PPP6R2: variants seen among roughly 807,000 people sequenced by gnomAD.
PPP6R2 encodes the protein serine/threonine-protein phosphatase 6 regulatory subunit 2.
Under a neutral mutation model 100.2 loss-of-function variants are expected in PPP6R2, and 62 were observed. The ratio of observed to expected loss-of-function variants is 0.62; its 90% CI spans 0.50 to 0.76. The LOEUF is 0.76. PPP6R2 is among the 30% of genes least tolerant of loss of function. The pLI is 0.00. For missense variants in PPP6R2, 1,142 were observed against 1,276.3 expected (o/e 0.89, Z 1.60); for synonymous variants, 525 against 514.7 (o/e 1.02, Z -0.27).
upstream of PPP6R2, among the ~76,000 whole-genome samples, chr22:50,340,326 T>A (rs2042358299): frequency 7.7e-6 from 1 of 130,608 alleles, no homozygotes; most frequent in African/African-American, 2.9e-5. Context: ...GTGTGTGGTG[T>A]GTGTAGGGTG....
intron 8 of PPP6R2, among the ~76,000 whole-genome samples, chr22:50,421,994 T>G (rs2061400863): frequency 1.3e-5 from 2 of 152,024 alleles, no homozygotes; most frequent in South Asian, 2.1e-4. Context: ...CAGTGAGTCC[T>G]GTGTTGTGTC....
intron 10 of PPP6R2, among the ~76,000 whole-genome samples, chr22:50,429,495 T>C (rs1052993927): frequency 2.6e-5 from 4 of 152,244 alleles, no homozygotes; most frequent in Non-Finnish European, 5.9e-5. Context: ...TCTTTTGATA[T>C]GATGCTAAGT....
intron 2 of PPP6R2, among the ~76,000 whole-genome samples, chr22:50,372,715 G>A (rs1306948784): frequency 6.6e-6 from 1 of 151,346 alleles, no homozygotes; most frequent in African/African-American, 2.4e-5. Flanking sequence ...TTGAGACGGA[G>A]TCTTGCTCTG....
chr22:50,363,699 C>T (rs1433604476), intron 1 of PPP6R2, among the ~76,000 whole-genome samples: 1 of 152,190 alleles, frequency 6.6e-6, no homozygotes, highest in Non-Finnish European at 1.5e-5. Flanking sequence ...ACCTGGAGTC[C>T]TACTAGAGCT....
At chr22:50,358,106 C>T (rs986870937) in intron 1 of PPP6R2, among the ~76,000 whole-genome samples, 1 of 151,400 alleles carries the variant, frequency 6.6e-6, no homozygotes, top group Non-Finnish European at 1.5e-5. Context: ...GCCACCACAC[C>T]TGGATAATTT....
At chr22:50,338,992 G>A (rs1019310610), upstream of PPP6R2, among the ~76,000 whole-genome samples, 6 of 132,528 alleles carry the variant, frequency 4.5e-5, no homozygotes, top group Non-Finnish European at 8.0e-5. Flanking sequence ...GTGGTATGTA[G>A]TATGTGTGGT....
chr22:50,406,688 G>C lies in PPP6R2; in HGVS notation c.228-1G>C. The stretch of plus-strand genomic sequence containing the variant: ...CCAGTGCTTGGACTGTGCCCTTTTA[G>C]ATATCCAAACACAGCCTGTGAGCTT... On this transcript the variant is annotated splice_acceptor_variant, in intron 3 of 23. Transcript: ENST00000612753. LOFTEE classifies it high-confidence loss of function. The C allele has an allele frequency of 6.2e-7, 1 of 1,612,498 alleles. No homozygotes were observed. The highest frequency in any genetic ancestry group is 8.5e-7 in the Non-Finnish European group (1 of 1,179,660).
intron 2 of PPP6R2, among the ~76,000 whole-genome samples, chr22:50,381,831 C>G (rs2053113248): frequency 6.6e-6 from 1 of 151,746 alleles, no homozygotes. Context: ...TGGCGTGAAC[C>G]CGGGAGGCGG....
chr22:50,365,067 T>TA (rs2048467727), intron 1 of PPP6R2, among the ~76,000 whole-genome samples: 2 of 146,796 alleles, frequency 1.4e-5, no homozygotes, highest in Admixed American at 7.0e-5. Flanking sequence ...ACATATGAGA[T>TA]ACTTTTTTTT....
At chr22:50,375,805 A>C (rs1381180689) in intron 2 of PPP6R2, among the ~76,000 whole-genome samples, 1 of 145,824 alleles carries the variant, frequency 6.9e-6, no homozygotes, top group Non-Finnish European at 1.5e-5. Context: ...AGTTACCTTC[A>C]TCCTAAGATA....
intron 1 of PPP6R2, among the ~76,000 whole-genome samples, chr22:50,363,297 T>C (rs1400289611): frequency 1.3e-5 from 2 of 152,198 alleles, no homozygotes; most frequent in Admixed American, 1.3e-4. Flanking sequence ...TCTGCAGGCC[T>C]TTAAGTTGCA....
At chr22:50,353,117 T>C (rs1489420981) in intron 1 of PPP6R2, among the ~76,000 whole-genome samples, 1 of 152,216 alleles carries the variant, frequency 6.6e-6, no homozygotes, top group Non-Finnish European at 1.5e-5. Context: ...GCTTTATTAT[T>C]ATTTATGTCT....
chr22:50,422,032 G>A (rs1453140223), intron 8 of PPP6R2, among the ~76,000 whole-genome samples: 1 of 152,152 alleles, frequency 6.6e-6, no homozygotes, highest in Non-Finnish European at 1.5e-5. Flanking sequence ...ATTCTCGGAT[G>A]TCGCAAGCAA....
chr22:50,386,259 C>T (rs996870874), intron 2 of PPP6R2, among the ~76,000 whole-genome samples: 3 of 152,002 alleles, frequency 2.0e-5, no homozygotes, highest in African/African-American at 4.8e-5. Flanking sequence ...TCTCCTGCCT[C>T]AGCCTCCAAG....
chr22:50,440,772 CCT>C, intron 21 of PPP6R2, 48 bp from the exon 22 acceptor site: 1 of 1,597,494 alleles, frequency 6.3e-7, no homozygotes, highest in Non-Finnish European at 8.6e-7. Context: ...GTGGCCGCAC[CCT>C]GTGACCCCTC....
chr22:50,395,160 G>A (rs1016866851), intron 3 of PPP6R2, among the ~76,000 whole-genome samples: 2 of 152,148 alleles, frequency 1.3e-5, no homozygotes, highest in African/African-American at 4.8e-5. Flanking sequence ...TACAGTCCTG[G>A]GACATGCTTC....
At chr22:50,351,055 T>TGAGACAGAG (rs2045070500) in intron 1 of PPP6R2, among the ~76,000 whole-genome samples, 1 of 127,866 alleles carries the variant, frequency 7.8e-6, no homozygotes, top group Non-Finnish European at 1.7e-5. Context: ...TTTTTTTTTT[T>TGAGACAGAG]TTGAGACAGA....
chr22:50,355,048 G>T (rs976013260), intron 1 of PPP6R2, among the ~76,000 whole-genome samples: 1 of 151,496 alleles, frequency 6.6e-6, no homozygotes, highest in African/African-American at 2.4e-5. Flanking sequence ...TTGCTCTATT[G>T]CCCAGGCTGA....
chr22:50,419,360 T>G lies in PPP6R2; in HGVS notation c.743T>G (p.Val248Gly). The G allele has an allele frequency of 6.2e-7, 1 of 1,614,116 alleles. No homozygotes were observed. Among genetic ancestry groups the G allele is most frequent in the Non-Finnish European group, 8.5e-7 (1 of 1,179,990 alleles). Residue 248 changes from valine (V) to glycine (G), a missense_variant, in exon 8 of 24, where the codon GTG becomes GGG. This residue lies in a region of PPP6R2 where 592 missense variants were observed against 758.9 expected (regional missense o/e 0.78). Coordinates refer to ENST00000612753, the MANE Select transcript of PPP6R2 (RefSeq NM_001242898.2). ...TGTGTGTCCAGCAGGCAGGACTGTG[T>G]GGAGCAGCTTCTGAAGAACATGTTT... ...LLTALESQDC[V>G]EQLLKNMFDG...
Sources: gnomAD v4.1 joint callset for allele counts (sites outside exome capture counted in the v4.1 genomes callset) on GRCh38, gnomAD v4.1.1 for gene constraint, gnomAD v4.1.1 regional missense constraint, MANE v1.5 for transcripts, NCBI Gene and HGNC (gene_info 2026-07-23, HGNC 2026-07-21) for gene names.